Variants in PRORP observed in about 807,000 individuals in gnomAD.
PRORP encodes the protein protein only RNase P catalytic subunit.
In PRORP, 51 loss-of-function variants were observed where a neutral mutation model predicts 59.4. The observed-to-expected ratio is 0.86, with a 90% CI of 0.69 to 1.08. PRORP has a LOEUF of 1.08. Among genes scored for constraint, PRORP ranks in the 50% least tolerant of loss-of-function variants. PRORP has a pLI of 0.00. For missense variants in PRORP, 646 were observed against 690.3 expected (o/e 0.94, Z 0.72); for synonymous variants, 231 against 245.6 (o/e 0.94, Z 0.55).
chr14:35,126,597 T>C, intron 2 of PRORP, 138 bp from the exon 3 acceptor site: 1 of 619,464 alleles, frequency 1.6e-6, no homozygotes, highest in Non-Finnish European at 2.8e-6. Context: ...GCAGCCACTT[T>C]TTAAATTAAA....
chr14:35,160,874 CCATGCATA>C (rs1302561212), intron 4 of PRORP, among the ~76,000 whole-genome samples: 2 of 152,180 alleles, frequency 1.3e-5, no homozygotes, highest in Non-Finnish European at 2.9e-5. Flanking sequence ...GATTTATGAA[CCATGCATA>C]CATGCATACT....
chr14:35,257,652 TATCCC>T (rs1470025890), intron 5 of PRORP, among the ~76,000 whole-genome samples: 4 of 152,174 alleles, frequency 2.6e-5, no homozygotes, highest in Non-Finnish European at 4.4e-5. Context: ...TTCCTGGAGG[TATCCC>T]ATAATGAATG....
chr14:35,255,338 C>G (rs548205765), intron 5 of PRORP, among the ~76,000 whole-genome samples: 142 of 152,174 alleles, frequency 9.3e-4, no homozygotes, highest in African/African-American at 3.2e-3. Flanking sequence ...CCATGTTGGT[C>G]AGGCTGGTCT....
chr14:35,223,121 T>G (rs550081133), intron 5 of PRORP, among the ~76,000 whole-genome samples: 1 of 152,330 alleles, frequency 6.6e-6, no homozygotes, highest in South Asian at 2.1e-4. Flanking sequence ...ACTTACAGTT[T>G]CCTTCTTGTC....
In PRORP at chr14:35,155,720, T is replaced by A. The variant is rs188866570; in HGVS notation, c.1168-24950T>A. Among the ~76,000 whole-genome samples the A allele has an allele frequency of 2.6e-5, 4 of 151,884 alleles. No homozygotes were observed. In the East Asian group the frequency reaches 7.7e-4, roughly 29 times the overall value. On this transcript the variant is annotated intron_variant, in intron 4 of 7. Transcript: ENST00000534898. The stretch of plus-strand genomic sequence containing the variant: ...GTAAAGATTTCCTCAAGTAAACATA[T>A]TATATATTCATTATAATATAAATAG...
intron 4 of PRORP, among the ~76,000 whole-genome samples, chr14:35,180,224 C>T (rs2048567197): frequency 6.6e-6 from 1 of 152,274 alleles, no homozygotes; most frequent in South Asian, 2.1e-4. Context: ...CTGGGAGAAC[C>T]ACTGCTCTCT....
chr14:35,170,676 T>C (rs2048292716), intron 4 of PRORP, among the ~76,000 whole-genome samples: 2 of 152,168 alleles, frequency 1.3e-5, no homozygotes, highest in African/African-American at 4.8e-5. Flanking sequence ...TAGTCACATG[T>C]CTTTTAAAGA....
Position 35,264,997 on chromosome 14 carries a change from AAAAT to A in PRORP, c.1276-1718_1276-1715del, listed in dbSNP as rs1026249177. 5.9e-5 allele frequency among the ~76,000 whole-genome samples: 9 copies of A among 152,322 alleles called. 1 individual carries two copies. The East Asian group carries it at 1.7e-3, about 29-fold the overall frequency. On this transcript the variant is annotated intron_variant, in intron 5 of 7. Coordinates refer to ENST00000534898, the MANE Select transcript of PRORP (RefSeq NM_014672.4). ...GAGCAAGACTTCGTCTCAAAAATAAAAAATAAATAAATAAAAAATAAAAAAATTC... is the reference window on the plus strand; with the variant it reads ...GAGCAAGACTTCGTCTCAAAAATAAAAAATAAATAAAAAATAAAAAAATTC...
chr14:35,270,612 C>G lies in PRORP; in HGVS notation c.1620+16C>G. 1 of 1,600,600 alleles carries G rather than the reference C, an allele frequency of 6.2e-7. No homozygotes were observed. The highest frequency in any genetic ancestry group is 8.6e-7 in the Non-Finnish European group (1 of 1,168,002). The stretch of plus-strand genomic sequence containing the variant: ...AACCTTTCAGGTAATGGTACCTGTT[C>G]TTTATGTAATATTAACAGAGTCAAG... On this transcript the variant is annotated intron_variant, in intron 7 of 7. Transcript: ENST00000534898.
intron 4 of PRORP, among the ~76,000 whole-genome samples, chr14:35,171,819 C>A (rs1047250486): frequency 1.3e-5 from 2 of 152,042 alleles, no homozygotes; most frequent in Non-Finnish European, 2.9e-5. Context: ...TTACTGAGAC[C>A]CAATTCATCT....
chr14:35,136,535 C>T lies in PRORP; in HGVS notation c.1167+8924C>T, dbSNP rs528277870. The stretch of plus-strand genomic sequence containing the variant: ...GATTACAGGCATGCACCACCACACC[C>T]GGCTAATTTTGTATTTTTAGTAGAG... On this transcript the variant is annotated intron_variant, in intron 4 of 7. Transcript: ENST00000534898. Among the ~76,000 whole-genome samples the T allele has an allele frequency of 4.9e-4, 71 of 145,032 alleles. 4 individuals carry two copies. Among genetic ancestry groups the T allele is most frequent in the African/African-American group, 1.5e-3 (60 of 41,044 alleles).
At chr14:35,160,408 A>G (rs910462521) in intron 4 of PRORP, among the ~76,000 whole-genome samples, 2 of 152,194 alleles carry the variant, frequency 1.3e-5, no homozygotes, top group African/African-American at 4.8e-5. Flanking sequence ...AGTCAGATTT[A>G]CTGTTGAATT....
intron 4 of PRORP, among the ~76,000 whole-genome samples, chr14:35,153,445 G>A (rs1000069722): frequency 5.3e-5 from 8 of 152,152 alleles, no homozygotes; most frequent in Non-Finnish European, 7.3e-5. Context: ...ATCCTACAAG[G>A]AAGGCAGCCT....
At chr14:35,241,241 G>T (rs1407890399) in intron 5 of PRORP, among the ~76,000 whole-genome samples, 1 of 152,104 alleles carries the variant, frequency 6.6e-6, no homozygotes, top group African/African-American at 2.4e-5. Flanking sequence ...AGTGGGGTAT[G>T]GTGGCACATG....
At chr14:35,218,967 G>A (rs1387657552) in intron 5 of PRORP, 2 of 152,198 alleles carry the variant, frequency 1.3e-5, no homozygotes, top group East Asian at 3.9e-4. Flanking sequence ...AGTTCCAAGA[G>A]CGAATAAAGA....
At chr14:35,154,622 C>T (rs745782185) in intron 4 of PRORP, among the ~76,000 whole-genome samples, 33 of 151,596 alleles carry the variant, frequency 2.2e-4, no homozygotes, top group East Asian at 9.7e-4. Flanking sequence ...TGTTAAATTA[C>T]ACCTCAAGGG....
chr14:35,223,050 A>G (rs1423530502), intron 5 of PRORP, among the ~76,000 whole-genome samples: 7 of 152,174 alleles, frequency 4.6e-5, no homozygotes, highest in Non-Finnish European at 1.0e-4. Flanking sequence ...TTCCTTTGCT[A>G]TTACAACACC....
At chr14:35,133,607 G>T (rs975607974) in intron 4 of PRORP, among the ~76,000 whole-genome samples, 1 of 152,106 alleles carries the variant, frequency 6.6e-6, no homozygotes, top group Admixed American at 6.6e-5. Flanking sequence ...TGTAGTCTTT[G>T]CAGTCTGGGC....
chr14:35,137,068 GT>G (rs1224514253), intron 4 of PRORP, among the ~76,000 whole-genome samples: 1 of 145,970 alleles, frequency 6.9e-6, no homozygotes, highest in African/African-American at 2.4e-5. Flanking sequence ...GGGAAGAACA[GT>G]TTCAGTAGTT....
Sources: gnomAD v4.1 joint callset for allele counts (sites outside exome capture counted in the v4.1 genomes callset) on GRCh38, gnomAD v4.1.1 for gene constraint, MANE v1.5 for transcripts, NCBI Gene and HGNC (gene_info 2026-07-23, HGNC 2026-07-21) for gene names.